Variants in ZNF160 observed in about 807,000 individuals in gnomAD.
The protein encoded by ZNF160 is KRAB zinc finger protein KR18.
Under a neutral mutation model 13.1 loss-of-function variants are expected in ZNF160, and 9 were observed. The observed-to-expected ratio is 0.69, with a 90% CI of 0.41 to 1.20. ZNF160 has a LOEUF of 1.20. Ranked by LOEUF, ZNF160 falls within the 50% of genes most tolerant of loss-of-function variation. ZNF160 has a pLI of 0.01. For missense variants in ZNF160, 838 were observed against 988.0 expected, an observed-to-expected ratio of 0.85 and a Z score of 2.04; for synonymous variants, 293 against 333.2, an observed-to-expected ratio of 0.88 and a Z score of 1.31.
chr19:53,102,174 G>A (rs540005200), intron 1 of ZNF160, among the ~76,000 whole-genome samples: 1 of 151,852 alleles, frequency 6.6e-6, no homozygotes. Flanking sequence ...TTCACCTCTT[G>A]TGGCGTTTTC....
At chr19:53,098,401 G>C (rs963953570) in intron 1 of ZNF160, among the ~76,000 whole-genome samples, 1 of 152,186 alleles carries the variant, frequency 6.6e-6, no homozygotes, top group Non-Finnish European at 1.5e-5. Flanking sequence ...GATGCGGCAG[G>C]AATGGACACA....
At chr19:53,095,006 C>G (rs1354376376) in intron 1 of ZNF160, among the ~76,000 whole-genome samples, 1 of 151,558 alleles carries the variant, frequency 6.6e-6, no homozygotes, top group East Asian at 2.0e-4. Flanking sequence ...TCCCGTTGCC[C>G]AGACCCCAGC....
At chr19:53,092,914 T>C (rs2085088794) in intron 1 of ZNF160, among the ~76,000 whole-genome samples, 1 of 152,214 alleles carries the variant, frequency 6.6e-6, no homozygotes, top group Non-Finnish European at 1.5e-5. Flanking sequence ...TGCTCTGTGT[T>C]ACGCAATATT....
chr19:53,100,367 T>C (rs1011678102), intron 1 of ZNF160, among the ~76,000 whole-genome samples: 1 of 152,080 alleles, frequency 6.6e-6, no homozygotes, highest in Admixed American at 6.6e-5. Flanking sequence ...TCCCAGCACT[T>C]TGGGAGGCTG....
At chr19:53,087,254 G>A (rs329716) in intron 2 of ZNF160, among the ~76,000 whole-genome samples, 92,126 of 152,044 alleles carry the variant, frequency 0.61, 28,208 homozygotes, top group East Asian at 0.74. Flanking sequence ...GAAGGAGATG[G>A]CGTCTGAGAG....
rs907575564 is a variant in ZNF160 at position 53,073,305 on chromosome 19, T to C, written c.271+835A>G. The stretch of plus-strand genomic sequence containing the variant: ...AGGATCAATGACAGAAGGATTTTGT[T>C]AGGTGTCTTTACGGTTATGCTGAGA... On this transcript the variant is annotated intron_variant, in intron 5 of 5. Transcript: ENST00000683776. 31 of 1,575,976 alleles carry C rather than the reference T, an allele frequency of 2.0e-5. No homozygotes were observed. In the Admixed American group the frequency reaches 4.4e-4, roughly 22 times the overall value.
chr19:53,096,157 T>G (rs1451706788), intron 1 of ZNF160, among the ~76,000 whole-genome samples: 1 of 152,224 alleles, frequency 6.6e-6, no homozygotes, highest in East Asian at 1.9e-4. Flanking sequence ...AGACAGAGGT[T>G]GCAGTGAGCT....
chr19:53,079,980 T>C (rs542918046), intron 3 of ZNF160, among the ~76,000 whole-genome samples: 20 of 152,132 alleles, frequency 1.3e-4, no homozygotes, highest in Middle Eastern at 6.8e-3. Context: ...AGTCAAATTA[T>C]CTCTCTGAGA....
chr19:53,070,846 C>T (rs1423060613), intron 5 of ZNF160, among the ~76,000 whole-genome samples: 4 of 152,174 alleles, frequency 2.6e-5, no homozygotes, highest in South Asian at 2.1e-4. Flanking sequence ...CAGGAGGCCA[C>T]GAGGTTGAGA....
chr19:53,085,067 CCTTGGCTTCCACAAGTG>C (rs1286734839), intron 3 of ZNF160: 1 of 643,160 alleles, frequency 1.6e-6, no homozygotes, highest in African/African-American at 2.0e-5. Flanking sequence ...GATCCTCCCA[CCTTGGCTTCCACAAGTG>C]CTGGGATTAC....
chr19:53,072,890 G>A, intron 5 of ZNF160: 1 of 789,400 alleles, frequency 1.3e-6, no homozygotes, highest in Non-Finnish European at 1.5e-6. Context: ...AAACAGTTTT[G>A]TCTTAAGAGA....
chr19:53,084,055 G>A (rs572130302), intron 3 of ZNF160, among the ~76,000 whole-genome samples: 1 of 152,050 alleles, frequency 6.6e-6, no homozygotes, highest in South Asian at 2.1e-4. Context: ...TATGTGCTTC[G>A]AGCTCCAGAG....
chr19:53,087,282 C>T (rs904072885), intron 2 of ZNF160, among the ~76,000 whole-genome samples: 2 of 152,206 alleles, frequency 1.3e-5, no homozygotes, highest in African/African-American at 4.8e-5. Context: ...GGGTGCAGAT[C>T]ACGCAGGGAG....
chr19:53,069,473 G>A lies in ZNF160; in HGVS notation c.1061C>T (p.Ser354Leu). The A allele has an allele frequency of 6.2e-7, 1 of 1,614,122 alleles. No individual in the cohort carries two copies. The highest frequency in any genetic ancestry group is 8.5e-7 in the Non-Finnish European group (1 of 1,180,036). ...NECGKAFRGHSNLTTHQLIHT... is the reference protein window; with the variant it reads ...NECGKAFRGHLNLTTHQLIHT... ...AATTAACTGATGGGTAGTTAGGTTT[G>A]AATGTCCTCTAAAGGCTTTTCCACA... The change falls in exon 6 of 6, where the codon TCA becomes TTA. Residue 354 changes from serine to leucine, a missense_variant. This residue lies in a region of ZNF160 where 400 missense variants were observed against 538.9 expected (regional missense o/e 0.74). Coordinates refer to ENST00000683776, the MANE Select transcript of ZNF160 (RefSeq NM_001322131.2). The surrounding 1 kb of genome is among the most constrained non-coding windows in gnomAD (Gnocchi z 4.4).
chr19:53,086,231 A>G (rs1338711950), intron 3 of ZNF160, 31 bp downstream of exon 3: 1 of 1,569,820 alleles, frequency 6.4e-7, no homozygotes, highest in East Asian at 2.2e-5. Flanking sequence ...GGAAGAAATA[A>G]AAGAACAATC....
intron 2 of ZNF160, 161 bp downstream of exon 2, chr19:53,091,252 G>A (rs969511549): frequency 2.0e-5 from 3 of 152,388 alleles, no homozygotes; most frequent in African/African-American, 4.8e-5. Context: ...AGCTACTCAG[G>A]AGGCTGAGGT....
rs745796013 is a variant in ZNF160 at position 53,074,165 on chromosome 19, C to A, written c.246G>T (p.Pro82=). 10 of 1,613,860 alleles carry A rather than the reference C, an allele frequency of 6.2e-6. No homozygotes were observed. Among genetic ancestry groups the A allele is most frequent in the Non-Finnish European group, 8.5e-6 (10 of 1,179,996 alleles). ...CVKIARKPRT[P]ECVKGVVTDI... ...CTGTGACCACGCCTTTGACACATTC[C>A]GGCGTTCTTGGTTTTCTTGCTATTT... Residue 82 remains proline, a synonymous_variant, in exon 5 of 6, where the codon CCG becomes CCT. Coordinates refer to ENST00000683776, the MANE Select transcript of ZNF160 (RefSeq NM_001322131.2).
chr19:53,075,221 G>C, intron 3 of ZNF160, 38 bp from the exon 4 acceptor site: 7 of 1,605,936 alleles, frequency 4.4e-6, no homozygotes, highest in Non-Finnish European at 5.9e-6. Context: ...TGGCTAAGGG[G>C]AGAGTTCAAA....
intron 2 of ZNF160, among the ~76,000 whole-genome samples, chr19:53,086,555 A>G (rs565023799): frequency 5.0e-4 from 76 of 151,660 alleles, no homozygotes; most frequent in Admixed American, 1.4e-3. Context: ...TTCCTCCTGG[A>G]GAAGCCCACA....
Sources: gnomAD v4.1 joint callset for allele counts (sites outside exome capture counted in the v4.1 genomes callset) on GRCh38, gnomAD v4.1.1 for gene constraint, gnomAD v4.1.1 regional missense constraint, Gnocchi (gnomAD v3.1) non-coding constraint, MANE v1.5 for transcripts, NCBI Gene and HGNC (gene_info 2026-07-23, HGNC 2026-07-21) for gene names.